The following TENM3 variants were observed in gnomAD, a reference collection of about 807,000 sequenced individuals.
TENM3 encodes teneurin-3.
In TENM3, 63 loss-of-function variants were observed where a neutral mutation model predicts 255.1. The observed-to-expected ratio is 0.25, with a 90% confidence interval of 0.20 to 0.30. TENM3 has a LOEUF of 0.30. TENM3 is among the 10% of genes least tolerant of loss of function. The pLI, the probability that TENM3 is intolerant of heterozygous loss-of-function variation, is 1.00. For missense variants in TENM3, 2,929 were observed against 3,461.1 expected (o/e 0.85, Z 3.86); for synonymous variants, 1,306 against 1,322.3 (o/e 0.99, Z 0.27).
the TENM3 span, among the ~76,000 whole-genome samples, chr4:181,912,605 C>A: frequency 2.7e-3 from 412 of 151,818 alleles, 1 homozygote; most frequent in African/African-American, 9.5e-3. Context: ...CCAGCCTGGC[C>A]AACATAGTGA....
chr4:182,565,728 G>T (rs1175042663), intron 3 of TENM3, among the ~76,000 whole-genome samples: 4 of 152,242 alleles, frequency 2.6e-5, no homozygotes, highest in African/African-American at 4.8e-5. Flanking sequence ...TATGTAGCAG[G>T]ATTAGACATC....
At chr4:182,438,861 T>A (rs1430261514) in intron 3 of TENM3, among the ~76,000 whole-genome samples, 2 of 152,250 alleles carry the variant, frequency 1.3e-5, no homozygotes, top group Non-Finnish European at 2.9e-5. Context: ...TGTACAAAGC[T>A]TTTGTTGAAA....
chr4:182,515,275 G>GA (rs1328612093), intron 3 of TENM3, among the ~76,000 whole-genome samples: 1 of 152,092 alleles, frequency 6.6e-6, no homozygotes, highest in Admixed American at 6.5e-5. Flanking sequence ...GTGAGGCGCA[G>GA]AAAAAATCCA....
chr4:181,823,352 G>A, the TENM3 span, among the ~76,000 whole-genome samples: 5 of 151,814 alleles, frequency 3.3e-5, no homozygotes, highest in Admixed American at 1.3e-4. Context: ...TTGTTATTTT[G>A]GTCTCTCTCC....
At chr4:181,761,459 G>T in the TENM3 span, among the ~76,000 whole-genome samples, 12 of 152,018 alleles carry the variant, frequency 7.9e-5, no homozygotes, top group African/African-American at 2.9e-4. Context: ...ATGGAGAAAT[G>T]ACTCATATTC....
At chr4:182,170,023 T>A (rs967572307) in intron 1 of TENM3, among the ~76,000 whole-genome samples, 2 of 151,078 alleles carry the variant, frequency 1.3e-5, no homozygotes, top group African/African-American at 4.9e-5. Flanking sequence ...ATGGAGATTC[T>A]GCCACTGTTT....
At chr4:182,445,540 G>T (rs1281258294) in intron 3 of TENM3, among the ~76,000 whole-genome samples, 1 of 152,058 alleles carries the variant, frequency 6.6e-6, no homozygotes, top group Non-Finnish European at 1.5e-5. Context: ...AGGAGAGAGA[G>T]GTCAGAAGCA....
chr4:182,348,053 T>A (rs2150680919), intron 3 of TENM3, among the ~76,000 whole-genome samples: 1 of 152,348 alleles, frequency 6.6e-6, no homozygotes, highest in African/African-American at 2.4e-5. Context: ...GGCTTATTAG[T>A]TATTTTCTTT....
chr4:181,646,548 G>A, the TENM3 span, among the ~76,000 whole-genome samples: 1 of 152,152 alleles, frequency 6.6e-6, no homozygotes, highest in Admixed American at 6.5e-5. Context: ...CTAACAAGGG[G>A]AGAGAATTCA....
chr4:182,193,833 T>C (rs2030651613), intron 1 of TENM3, among the ~76,000 whole-genome samples: 2 of 152,180 alleles, frequency 1.3e-5, no homozygotes, highest in South Asian at 2.1e-4. Flanking sequence ...ACATAAGAAA[T>C]GGTAAAAGTT....
At chr4:182,248,934 A>C (rs1757823137) in intron 1 of TENM3, among the ~76,000 whole-genome samples, 1 of 152,244 alleles carries the variant, frequency 6.6e-6, no homozygotes, top group African/African-American at 2.4e-5. Context: ...AAGGTGCAAT[A>C]GTAATAGCAA....
intron 3 of TENM3, among the ~76,000 whole-genome samples, chr4:182,599,960 A>G (rs1221444003): frequency 6.6e-6 from 1 of 152,188 alleles, no homozygotes; most frequent in Non-Finnish European, 1.5e-5. Context: ...AAGCTAGGTA[A>G]TGAGATGGAA....
chr4:181,850,154 C>T, the TENM3 span, among the ~76,000 whole-genome samples: 4 of 151,528 alleles, frequency 2.6e-5, no homozygotes, highest in African/African-American at 7.3e-5. Flanking sequence ...TTGCTGATTT[C>T]GTTTTATCTT....
At chr4:182,080,768 G>A in the TENM3 span, among the ~76,000 whole-genome samples, 1 of 152,158 alleles carries the variant, frequency 6.6e-6, no homozygotes, top group East Asian at 1.9e-4. Context: ...AAGGCAGGAG[G>A]ATCACCTGAG....
chr4:182,162,375 A>G (rs537836892), intron 1 of TENM3, among the ~76,000 whole-genome samples: 1 of 152,292 alleles, frequency 6.6e-6, no homozygotes, highest in African/African-American at 2.4e-5. Context: ...GAAGACATCT[A>G]TTTTAGAAGC....
intron 3 of TENM3, among the ~76,000 whole-genome samples, chr4:182,397,241 A>G (rs1440461170): frequency 6.6e-6 from 1 of 150,666 alleles, no homozygotes; most frequent in Non-Finnish European, 1.5e-5. Context: ...AACATAAAAA[A>G]AAAAATCAAA....
At chr4:181,587,182 C>T in the TENM3 span, among the ~76,000 whole-genome samples, 228 of 152,294 alleles carry the variant, frequency 1.5e-3, no homozygotes, top group Non-Finnish European at 2.7e-3. Flanking sequence ...TATACTCCCG[C>T]ACTCTCTCCT....
At chr4:181,593,282 C>T in the TENM3 span, among the ~76,000 whole-genome samples, 9 of 152,240 alleles carry the variant, frequency 5.9e-5, no homozygotes, top group South Asian at 6.2e-4. Flanking sequence ...CAAGAATGAA[C>T]GTGCCTGGAC....
chr4:181,987,453 T>A, the TENM3 span, among the ~76,000 whole-genome samples: 1 of 152,144 alleles, frequency 6.6e-6, no homozygotes, highest in South Asian at 2.1e-4. Context: ...TCAAAGGAAT[T>A]GGGCTTCCCA....
Sources: allele counts gnomAD v4.1 joint callset (sites outside exome capture counted in the v4.1 genomes callset), GRCh38; gene constraint gnomAD v4.1.1; transcripts MANE v1.5; gene names NCBI Gene and HGNC (gene_info 2026-07-23, HGNC 2026-07-21).